SDK1: variants seen among roughly 807,000 people sequenced by gnomAD.
SDK1 encodes the protein sidekick cell adhesion molecule 1, also known as protein sidekick-1.
Under a neutral mutation model 245.5 loss-of-function variants are expected in SDK1, and 157 were observed. The observed-to-expected ratio is 0.64, with a 90% CI of 0.56 to 0.73. The LOEUF is 0.73. Among genes scored for constraint, SDK1 ranks in the 30% least tolerant of loss-of-function variants. The probability of loss-of-function intolerance (pLI) is 0.00; values close to 1 mark genes in which losing one functional copy is unlikely to be tolerated. For synonymous variants in SDK1, 1,647 were observed against 1,278.5 expected (o/e 1.29, Z -6.15); for missense variants, 3,583 against 3,002.3 (o/e 1.19, Z -4.52).
intron 5 of SDK1, among the ~76,000 whole-genome samples, chr7:3,921,629 G>A (rs775089779): frequency 2.0e-5 from 3 of 152,158 alleles, no homozygotes; most frequent in South Asian, 2.1e-4. Context: ...ATCTAAAGGC[G>A]CCAAGAAGCT....
chr7:3,830,719 G>A (rs889629319), intron 5 of SDK1, among the ~76,000 whole-genome samples: 1 of 152,094 alleles, frequency 6.6e-6, no homozygotes, highest in African/African-American at 2.4e-5. Context: ...CGCTGGTCTT[G>A]AACTCGGGCT....
chr7:3,625,934 TTTTCTTTC>T (rs544507928), intron 2 of SDK1, among the ~76,000 whole-genome samples: 1 of 126,524 alleles, frequency 7.9e-6, no homozygotes, highest in Non-Finnish European at 1.6e-5. Flanking sequence ...TCTTTCTTTC[TTTTCTTTC>T]TTTTTTTTTT....
chr7:3,830,043 A>G (rs1481341512), intron 5 of SDK1, among the ~76,000 whole-genome samples: 1 of 152,216 alleles, frequency 6.6e-6, no homozygotes, highest in African/African-American at 2.4e-5. Flanking sequence ...CACATAGGAC[A>G]TAAAGTAAGA....
At chr7:3,451,689 A>G (rs561650113) in intron 1 of SDK1, among the ~76,000 whole-genome samples, 12 of 152,338 alleles carry the variant, frequency 7.9e-5, no homozygotes, top group African/African-American at 2.6e-4. Context: ...TTGATTAACA[A>G]TACAGGTATG....
chr7:3,601,584 CT>C (rs2128638903), intron 1 of SDK1, among the ~76,000 whole-genome samples: 1 of 151,530 alleles, frequency 6.6e-6, no homozygotes, highest in South Asian at 2.1e-4. Context: ...TGATTTGTGT[CT>C]TCTCTCTTTT....
intron 1 of SDK1, among the ~76,000 whole-genome samples, chr7:3,572,874 G>C (rs141063243): frequency 1.3e-5 from 2 of 152,236 alleles, no homozygotes; most frequent in East Asian, 1.9e-4. Context: ...GGGAGGAAGA[G>C]ATTCCTGGAA....
chr7:3,827,449 G>T (rs1779805313), intron 5 of SDK1, among the ~76,000 whole-genome samples: 1 of 152,176 alleles, frequency 6.6e-6, no homozygotes, highest in Non-Finnish European at 1.5e-5. Context: ...ATGCCCAGGT[G>T]CCAACCAAAG....
intron 1 of SDK1, among the ~76,000 whole-genome samples, chr7:3,497,943 T>G (rs554874517): frequency 6.6e-6 from 1 of 152,312 alleles, no homozygotes; most frequent in African/African-American, 2.4e-5. Flanking sequence ...TTCCAAAGTT[T>G]CCCAGTGACA....
intron 4 of SDK1, among the ~76,000 whole-genome samples, chr7:3,660,523 C>T: frequency 6.6e-6 from 1 of 152,136 alleles, no homozygotes; most frequent in East Asian, 1.9e-4. Flanking sequence ...CTTTCCATAT[C>T]TTTTGTCACC....
chr7:3,388,293 G>A (rs1781659575), intron 1 of SDK1, among the ~76,000 whole-genome samples: 1 of 151,096 alleles, frequency 6.6e-6, no homozygotes, highest in African/African-American at 2.4e-5. Context: ...TTTCTCTGTG[G>A]TCTAAACCAT....
At chr7:4,204,316 C>T (rs17134572) in intron 35 of SDK1, among the ~76,000 whole-genome samples, 69,473 of 152,004 alleles carry the variant, frequency 0.46, 16,383 homozygotes, top group African/African-American at 0.55. Context: ...TGTGATTCTG[C>T]TGTTTAATGG....
At chr7:3,528,616 C>T (rs576132645) in intron 1 of SDK1, among the ~76,000 whole-genome samples, 80 of 152,216 alleles carry the variant, frequency 5.3e-4, no homozygotes, top group Admixed American at 9.1e-4. Flanking sequence ...ATTCTCATAA[C>T]AATCTTTGTA....
chr7:4,035,876 A>T (rs1788172382), intron 17 of SDK1, among the ~76,000 whole-genome samples: 1 of 152,200 alleles, frequency 6.6e-6, no homozygotes, highest in Non-Finnish European at 1.5e-5. Context: ...TGCTAGTTAA[A>T]GATGGGAAAA....
chr7:3,324,655 G>T (rs1381295360), intron 1 of SDK1, among the ~76,000 whole-genome samples: 2 of 152,116 alleles, frequency 1.3e-5, no homozygotes, highest in African/African-American at 2.4e-5. Context: ...TGCACTCAAA[G>T]CAAAAGTAGG....
intron 1 of SDK1, among the ~76,000 whole-genome samples, chr7:3,358,937 T>G (rs1780879870): frequency 6.6e-6 from 1 of 152,184 alleles, no homozygotes; most frequent in Non-Finnish European, 1.5e-5. Context: ...TTTAGAACAT[T>G]GGTGCAGTTT....
intron 4 of SDK1, among the ~76,000 whole-genome samples, chr7:3,736,368 C>T (rs1294417264): frequency 6.6e-6 from 1 of 152,166 alleles, no homozygotes; most frequent in Non-Finnish European, 1.5e-5. Context: ...TCTCGGCTCA[C>T]TGCGAGCTCT....
intron 30 of SDK1, among the ~76,000 whole-genome samples, chr7:4,157,822 T>G (rs1425761980): frequency 6.6e-6 from 1 of 152,090 alleles, no homozygotes; most frequent in African/African-American, 2.4e-5. Context: ...CCTGGCACCG[T>G]GTCAGCCCCA....
intron 1 of SDK1, among the ~76,000 whole-genome samples, chr7:3,606,419 C>T (rs1477377830): frequency 6.6e-6 from 1 of 152,186 alleles, no homozygotes; most frequent in Non-Finnish European, 1.5e-5. Context: ...GAAGTCAGAA[C>T]TTATCAAACT....
At chr7:3,639,921 C>G (rs550705306) in intron 3 of SDK1, among the ~76,000 whole-genome samples, 67 of 152,182 alleles carry the variant, frequency 4.4e-4, no homozygotes, top group Middle Eastern at 6.8e-3. Context: ...ACAAACATAG[C>G]TCACTGCAAG....
Sources: gnomAD v4.1 joint callset for allele counts (sites outside exome capture counted in the v4.1 genomes callset) on GRCh38, gnomAD v4.1.1 for gene constraint, MANE v1.5 for transcripts, NCBI Gene and HGNC (gene_info 2026-07-23, HGNC 2026-07-21) for gene names.